The following POLK variants were observed in gnomAD, a reference collection of about 807,000 sequenced individuals.
POLK encodes DNA polymerase kappa.
A neutral mutation model predicts 94.0 loss-of-function variants in POLK; 76 were observed. That is an observed-to-expected ratio of 0.81 (90% CI 0.67 to 0.98). POLK has a LOEUF of 0.98. POLK is among the 50% of genes least tolerant of loss of function. POLK has a pLI of 0.00. For missense variants in POLK, 954 were observed against 1,010.1 expected (o/e 0.94, Z 0.75); for synonymous variants, 349 against 325.4 (o/e 1.07, Z -0.78).
At chr5:75,550,045 C>T (rs1220684672) in intron 2 of POLK, among the ~76,000 whole-genome samples, 1 of 152,028 alleles carries the variant, frequency 6.6e-6, no homozygotes, top group Admixed American at 6.6e-5. Context: ...TGAGTTTTAT[C>T]AAATATTTAA....
At chr5:75,557,802 G>C (rs900642322) in intron 3 of POLK, among the ~76,000 whole-genome samples, 5 of 151,908 alleles carry the variant, frequency 3.3e-5, no homozygotes, top group African/African-American at 7.3e-5. Context: ...GTTTTGTTTT[G>C]TTTTTGAGAC....
chr5:75,554,933 C>T (rs1170081473), intron 3 of POLK, among the ~76,000 whole-genome samples: 10 of 152,256 alleles, frequency 6.6e-5, no homozygotes, highest in Admixed American at 3.9e-4. Flanking sequence ...GATTCCATGT[C>T]TTTGCTGTTG....
chr5:75,597,872 A>T, intron 14 of POLK, 62 bp from the exon 15 acceptor site: 1 of 1,165,134 alleles, frequency 8.6e-7, no homozygotes, highest in Non-Finnish European at 1.2e-6. Flanking sequence ...ATCAATATTA[A>T]AAATGAATTA....
At chr5:75,544,054 G>T (rs1003399120) in intron 1 of POLK, among the ~76,000 whole-genome samples, 20 of 152,098 alleles carry the variant, frequency 1.3e-4, no homozygotes, top group African/African-American at 4.6e-4. Flanking sequence ...CAGGGCTGGT[G>T]TTGAACTCCT....
upstream of POLK, chr5:75,511,683 C>G: frequency 2.0e-6 from 3 of 1,533,104 alleles, no homozygotes; most frequent in Non-Finnish European, 1.8e-6. Flanking sequence ...TTCTCCCCCA[C>G]TACTCCCCGC....
At chr5:75,607,214 C>G in the POLK span, among the ~76,000 whole-genome samples, 1 of 152,134 alleles carries the variant, frequency 6.6e-6, no homozygotes, top group Non-Finnish European at 1.5e-5. Context: ...CGCCTGTAAT[C>G]TCAGCACTTT....
chr5:75,550,440 G>A (rs769719550), intron 2 of POLK, among the ~76,000 whole-genome samples: 19 of 152,114 alleles, frequency 1.2e-4, no homozygotes, highest in Admixed American at 7.9e-4. Flanking sequence ...TAAGCCAGGC[G>A]TGGTGGCATA....
At chr5:75,604,647 G>A (rs1773377529), downstream of POLK, among the ~76,000 whole-genome samples, 1 of 152,110 alleles carries the variant, frequency 6.6e-6, no homozygotes, top group African/African-American at 2.4e-5. Context: ...AAAGCTCTGG[G>A]ATTAACAGGC....
chr5:75,589,611 A>C (rs1205686012), intron 10 of POLK, among the ~76,000 whole-genome samples: 1 of 151,956 alleles, frequency 6.6e-6, no homozygotes, highest in African/African-American at 2.4e-5. Context: ...TATACGTGGA[A>C]TATTTCTAAG....
chr5:75,556,744 A>G (rs1770641921), intron 3 of POLK, among the ~76,000 whole-genome samples: 1 of 150,880 alleles, frequency 6.6e-6, no homozygotes, highest in Non-Finnish European at 1.5e-5. Flanking sequence ...AGGATATCCA[A>G]TTGTTCCAGC....
downstream of POLK, among the ~76,000 whole-genome samples, chr5:75,604,318 T>TA (rs780705851): frequency 3.9e-5 from 6 of 151,994 alleles, no homozygotes; most frequent in East Asian, 3.9e-4. Context: ...AACCTGGGGC[T>TA]AAAAAAAACT....
In POLK at chr5:75,590,214, C is replaced by A. The variant is rs1380854186; in HGVS notation, c.1260-130C>A. Reference sequence around the variant, plus strand: ...GTTTTTACTTAATTAAATTTTAGTTCATCTGAAAACTTTATTTTGTAATAC... The same window carrying A: ...GTTTTTACTTAATTAAATTTTAGTTAATCTGAAAACTTTATTTTGTAATAC... On this transcript the variant is annotated intron_variant, in intron 10 of 14. Coordinates refer to ENST00000241436, the Ensembl canonical transcript of POLK. The A allele has an allele frequency of 6.6e-6, 3 of 457,812 alleles. No homozygotes were observed. In the East Asian group the frequency reaches 9.4e-5, roughly 14 times the overall value. The allele number at this position is 457,812 out of a possible 1,614,324, so 28.4% of individuals were successfully genotyped here. A position where few individuals can be genotyped will look rare whatever the true frequency, so the allele number is the denominator to read the frequency against.
exon 15 of POLK, chr5:75,600,644 C>T (rs1773276589): frequency 6.6e-6 from 1 of 152,016 alleles, no homozygotes; most frequent in African/African-American, 2.4e-5. Context: ...TAGAAATGAA[C>T]CAAATATTCA....
chr5:75,524,252 A>G (rs1331737440), intron 1 of POLK, among the ~76,000 whole-genome samples: 1 of 152,196 alleles, frequency 6.6e-6, no homozygotes, highest in Non-Finnish European at 1.5e-5. Flanking sequence ...CTTTGAAGGT[A>G]GGGGTGGACA....
At chr5:75,554,224 TGGAA>T (rs1470415548) in intron 3 of POLK, among the ~76,000 whole-genome samples, 1 of 152,108 alleles carries the variant, frequency 6.6e-6, no homozygotes, top group African/African-American at 2.4e-5. Context: ...TCCATTACCA[TGGAA>T]GGAAGGAAGA....
At chr5:75,602,015 G>C (rs1239605439), downstream of POLK, among the ~76,000 whole-genome samples, 2 of 152,150 alleles carry the variant, frequency 1.3e-5, no homozygotes. Context: ...ATTAGGCTTT[G>C]TTATTTGCAG....
intron 3 of POLK, among the ~76,000 whole-genome samples, chr5:75,562,933 C>T (rs1407449907): frequency 8.5e-5 from 13 of 152,066 alleles, no homozygotes; most frequent in African/African-American, 2.2e-4. Flanking sequence ...TGAGGATTTT[C>T]GCATTGATGT....
intron 12 of POLK, 152 bp downstream of exon 12, chr5:75,594,201 A>G (rs1377452224): frequency 3.4e-6 from 2 of 587,916 alleles, no homozygotes; most frequent in Non-Finnish European, 6.0e-6. Context: ...TGCTTTCAGT[A>G]CACTCTTGAC....
chr5:75,566,039 G>A (rs918892547), intron 3 of POLK, among the ~76,000 whole-genome samples: 4 of 152,232 alleles, frequency 2.6e-5, no homozygotes, highest in African/African-American at 4.8e-5. Flanking sequence ...TGGGGTTGTG[G>A]CCTTTCTTTC....
Sources: gnomAD v4.1 joint callset for allele counts (sites outside exome capture counted in the v4.1 genomes callset) on GRCh38, gnomAD v4.1.1 for gene constraint, MANE v1.5 for transcripts, NCBI Gene and HGNC (gene_info 2026-07-23, HGNC 2026-07-21) for gene names.